Variants in CDT1 observed in about 807,000 individuals in gnomAD.
CDT1 encodes DNA replication factor Cdt1.
Under a neutral mutation model 49.3 loss-of-function variants are expected in CDT1, and 66 were observed. The ratio of observed to expected loss-of-function variants is 1.34; its 90% CI spans 1.10 to 1.64. The LOEUF is 1.64. Among genes scored for constraint, CDT1 ranks in the 40% most tolerant of loss-of-function variants. The pLI is 0.00. For missense variants in CDT1, 958 were observed against 807.7 expected, an observed-to-expected ratio of 1.19 and a Z score of -2.26; for synonymous variants, 424 against 347.4, an observed-to-expected ratio of 1.22 and a Z score of -2.45.
rs1016477910 is a variant in CDT1 at position 88,808,571 on chromosome 16, C to T, written c.*293C>T. 2.7e-5 allele frequency: 13 copies of T among 482,822 alleles called. No individual in the cohort carries two copies. Among genetic ancestry groups the T allele is most frequent in the Middle Eastern group, 5.6e-4 (1 of 1,780 alleles). 29.9% of individuals were successfully genotyped at this position (482,822 alleles called of 1,614,324 possible). The stretch of plus-strand genomic sequence containing the variant: ...GATCCAGCACCCCCTGGGGGGCCAT[C>T]GGGAGTGTGGCTGGGGGTGAAGGGG... On this transcript the variant is annotated 3_prime_UTR_variant, in exon 10 of 10. Coordinates refer to ENST00000301019, the MANE Select transcript of CDT1 (RefSeq NM_030928.4).
In CDT1 at chr16:88,804,816, A is replaced by G. The variant is rs1224192420; in HGVS notation, c.406A>G (p.Arg136Gly). 2 of 1,612,470 alleles carry G rather than the reference A, an allele frequency of 1.2e-6. No individual in the cohort carries two copies. Among genetic ancestry groups the G allele is most frequent in the Non-Finnish European group, 1.7e-6 (2 of 1,179,848 alleles). ...CLQRARELGA[R>G]VRALKASAQD... ...GCAACGGGCCCGGGAGCTGGGGGCA[A>G]GAGTCCGGGCGCTGAAGGCCAGTGC... Residue 136 changes from arginine (R) to glycine (G), a missense_variant, in exon 3 of 10, where the codon AGA becomes GGA. Transcript: ENST00000301019.
chr16:88,805,855 C>A lies in CDT1; in HGVS notation c.818C>A (p.Pro273Gln). Reference protein sequence around the residue: ...RRSDYQLTIEPLLEQEADGAA... With the variant: ...RRSDYQLTIEQLLEQEADGAA... ...TCAGATTACCAGCTCACCATCGAGC[C>A]ACTGCTGGAGCAGGGTGAGTGCTGG... The change falls in exon 5 of 10, where the codon CCA (proline) becomes CAA (glutamine). Residue 273 changes from proline to glutamine, a missense_variant. Pro to Gln is a moderately conservative substitution (Grantham distance 76, BLOSUM62 -1). Coordinates refer to ENST00000301019, the MANE Select transcript of CDT1 (RefSeq NM_030928.4). The A allele has an allele frequency of 6.2e-7, 1 of 1,613,128 alleles. No homozygotes were observed. The highest frequency in any genetic ancestry group is 8.5e-7 in the Non-Finnish European group (1 of 1,179,988).
At position 88,809,123 on chromosome 16, in the gene CDT1, A is replaced by C. The variant is rs1908996189; in HGVS notation, c.*845A>C. 1 of 256,354 alleles carries C rather than the reference A, an allele frequency of 3.9e-6. No individual in the cohort carries two copies. The highest frequency in any genetic ancestry group is 5.1e-5 in the Admixed American group (1 of 19,696). The allele number at this position is 256,354 out of a possible 1,614,324, so 15.9% of individuals were successfully genotyped here. A position where few individuals can be genotyped will look rare whatever the true frequency, so the allele number is the denominator to read the frequency against. On this transcript the variant is annotated 3_prime_UTR_variant, in exon 10 of 10. Transcript: ENST00000301019. ...TTTGAAGACGCGGCCCTGCCCCGAC[A>C]CAGGCAGCCTGGAGAAGCTGGGCAG...
At chr16:88,806,440 T>A in intron 6 of CDT1, 46 bp from the exon 7 acceptor site, 1 of 1,597,004 alleles carries the variant, frequency 6.3e-7, no homozygotes, top group African/African-American at 1.3e-5. Context: ...CAGTCTGCCC[T>A]TGTCTCAGAT....
At chr16:88,808,022 GCA>G (rs1908932934) in intron 9 of CDT1, 91 bp from the exon 10 acceptor site, 2 of 1,404,104 alleles carry the variant, frequency 1.4e-6, no homozygotes, top group Non-Finnish European at 2.0e-6. Flanking sequence ...GACCAGGCAG[GCA>G]CAGAGGTTGG....
At chr16:88,806,975 C>A in intron 7 of CDT1, 76 bp from the exon 8 acceptor site, 2 of 1,574,840 alleles carry the variant, frequency 1.3e-6, no homozygotes, top group Non-Finnish European at 1.7e-6. Context: ...TTGAGAGATA[C>A]CGGGGACTCC....
intron 6 of CDT1, 63 bp downstream of exon 6, chr16:88,806,184 C>A: frequency 7.2e-7 from 1 of 1,382,234 alleles, no homozygotes; most frequent in East Asian, 2.5e-5. Context: ...AGCACCTAAC[C>A]CTGTGCTTGG....
Position 88,805,476 on chromosome 16 carries a change from C to G in CDT1, c.525C>G (p.Ala175=). The G allele has an allele frequency of 6.2e-7, 1 of 1,612,824 alleles. No individual in the cohort carries two copies. Among genetic ancestry groups the G allele is most frequent in the Non-Finnish European group, 8.5e-7 (1 of 1,179,950 alleles). Residue 175 remains alanine (A), a synonymous_variant, in exon 4 of 10, where the codon GCC becomes GCG. Coordinates refer to ENST00000301019, the MANE Select transcript of CDT1 (RefSeq NM_030928.4). ...CGCCCGCCTACCAGCGCTTCCATGC[C>G]CTGGCCCAGCCCGGCCTGCCGGGAC... is the stretch of plus-strand genomic sequence containing the variant. ...EKAPAYQRFH[A]LAQPGLPGLV... is the part of the protein sequence containing the mutation.
chr16:88,803,798 T>A lies in CDT1; in HGVS notation c.-34T>A. 1.3e-6 allele frequency: 2 copies of A among 1,486,760 alleles called. No homozygotes were observed. Among genetic ancestry groups the A allele is most frequent in the Non-Finnish European group, 1.8e-6 (2 of 1,109,630 alleles). 92.1% of individuals were successfully genotyped at this position (1,486,760 alleles called of 1,614,324 possible). On this transcript the variant is annotated 5_prime_UTR_variant, in exon 1 of 10. Coordinates refer to ENST00000301019, the MANE Select transcript of CDT1 (RefSeq NM_030928.4). The stretch of plus-strand genomic sequence containing the variant: ...CCGCGCCCGCCTCTTCCTCCCTTCC[T>A]TCTTTCCTTGCTTTCGCCGCGCACT...
rs751213474 is a variant in CDT1 at position 88,807,381 on chromosome 16, G to A, written c.1376G>A (p.Arg459His). ...QRLERLPELA[R>H]VLRSVFVSER... ...TTAGAACGGCTGCCTGAGCTGGCCC[G>A]CGTGCTGCGGAGCGTCTTTGTGTCC... is the stretch of plus-strand genomic sequence containing the variant. Residue 459 changes from arginine to histidine, a missense_variant, in exon 9 of 10, where the codon CGC becomes CAC. Coordinates refer to ENST00000301019, the MANE Select transcript of CDT1 (RefSeq NM_030928.4). 6 of 1,612,676 alleles carry A rather than the reference G, an allele frequency of 3.7e-6. No individual in the cohort carries two copies. The highest frequency in any genetic ancestry group is 2.2e-5 in the East Asian group (1 of 44,888).
rs542220286 is a variant in CDT1, at chr16:88,804,692, T to C, written c.351+25T>C. 19 of 1,612,228 alleles carry C rather than the reference T, an allele frequency of 1.2e-5. No homozygotes were observed. The East Asian group carries it at 2.9e-4, about 25-fold the overall frequency. ...GGTGAGGGGCGGGGCCTGGGGCAGA[T>C]GCGGGAGGGCTGAGTGGTGCCGGCC... On this transcript the variant is annotated intron_variant, in intron 2 of 9. Transcript: ENST00000301019.
At chr16:88,806,949 T>C in intron 7 of CDT1, 102 bp from the exon 8 acceptor site, 6 of 1,478,064 alleles carry the variant, frequency 4.1e-6, no homozygotes, top group Non-Finnish European at 5.7e-6. Context: ...CCCAGTGTGC[T>C]GGGTGAACTT....
intron 5 of CDT1, 59 bp from the exon 6 acceptor site, chr16:88,805,962 G>C: frequency 6.3e-7 from 1 of 1,579,752 alleles, no homozygotes; most frequent in Non-Finnish European, 8.6e-7. Flanking sequence ...GCCCAGGACT[G>C]GTCACGGGTG....
Position 88,808,108 on chromosome 16 carries a change from C to T in CDT1, c.1478-7C>T. On this transcript the variant is annotated splice_region_variant and splice_polypyrimidine_tract_variant and intron_variant, in intron 9 of 9. Coordinates refer to ENST00000301019, the MANE Select transcript of CDT1 (RefSeq NM_030928.4). ...ACCAGCCTCAGTGTCCTCCTCTCCTCCCCCAGGGGAAATGGAGAAGCACCT... is the reference window on the plus strand; with the variant it reads ...ACCAGCCTCAGTGTCCTCCTCTCCTTCCCCAGGGGAAATGGAGAAGCACCT... 6.2e-7 allele frequency: 1 copy of T among 1,611,892 alleles called. No homozygotes were observed. Among genetic ancestry groups the T allele is most frequent in the Non-Finnish European group, 8.5e-7 (1 of 1,179,594 alleles).
Position 88,806,486 on chromosome 16 carries a change from G to A in CDT1, c.934G>A (p.Ala312Thr), listed in dbSNP as rs200373131. 19 of 1,610,204 alleles carry A rather than the reference G, an allele frequency of 1.2e-5. No individual in the cohort carries two copies. The highest frequency in any genetic ancestry group is 8.9e-5 in the East Asian group (4 of 44,772). Residue 312 changes from alanine to threonine, a missense_variant and splice_region_variant, in exon 7 of 10, where the codon GCC becomes ACC. By Grantham distance (58) the Ala-to-Thr change is moderately conservative. Transcript: ENST00000301019. The stretch of plus-strand genomic sequence containing the variant: ...TCACCCATCTACTCCTTCTCCCCAG[G>A]CCTTCCTGGCCTCCCTGAGCCCCGC... The part of the protein sequence containing the change: ...LVEHVKEHHK[A>T]FLASLSPAMV...
At position 88,803,921 on chromosome 16, in the gene CDT1, C is replaced by G. The variant is rs763439498; in HGVS notation, c.90C>G (p.Pro30=). The G allele has an allele frequency of 1.2e-5, 17 of 1,372,036 alleles. No individual in the cohort carries two copies. In the South Asian group the frequency reaches 2.0e-4, roughly 16 times the overall value. 85.0% of individuals were successfully genotyped at this position (1,372,036 alleles called of 1,614,324 possible). A position where few individuals can be genotyped will look rare whatever the true frequency, so the allele number is the denominator to read the frequency against. Residue 30 remains proline, a synonymous_variant, in exon 1 of 10, where the codon CCC becomes CCG. Coordinates refer to ENST00000301019, the MANE Select transcript of CDT1 (RefSeq NM_030928.4). ...IAPPKLACRT[P]SPARPALRAP... ...CGCCCAAGCTGGCCTGCCGCACCCCCAGCCCCGCCAGGCCCGCACTCCGCG... is the reference window on the plus strand; with the variant it reads ...CGCCCAAGCTGGCCTGCCGCACCCCGAGCCCCGCCAGGCCCGCACTCCGCG...
intron 5 of CDT1, 42 bp downstream of exon 5, chr16:88,805,911 C>G (rs762576607): frequency 1.2e-6 from 2 of 1,607,930 alleles, no homozygotes; most frequent in Non-Finnish European, 1.7e-6. Flanking sequence ...CATCTGTGAG[C>G]CGCACAGTTT....
In CDT1 at chr16:88,804,655, C is replaced by A. The variant is rs751510412; in HGVS notation, c.339C>A (p.Ser113=). Residue 113 remains serine (S), a synonymous_variant, in exon 2 of 10, where the codon TCC becomes TCA. Transcript: ENST00000301019. The stretch of plus-strand genomic sequence containing the variant: ...CAGGTCAGCCGCCCCACCTGACATC[C>A]GCGCAGGACCAGGTGAGGGGCGGGG... The part of the protein sequence containing the change: ...PAAGQPPHLT[S]AQDQDTISEL... The A allele has an allele frequency of 1.9e-6, 3 of 1,612,546 alleles. No homozygotes were observed. In the South Asian group the frequency reaches 3.3e-5, roughly 18 times the overall value.
chr16:88,805,036 A>G, intron 3 of CDT1, 138 bp downstream of exon 3: 1 of 1,217,466 alleles, frequency 8.2e-7, no homozygotes, highest in Non-Finnish European at 1.1e-6. Context: ...GCGGACCCAG[A>G]CCCCTGAGAA....
Sources: allele counts gnomAD v4.1 joint callset, GRCh38; gene constraint gnomAD v4.1.1; transcripts MANE v1.5; gene names NCBI Gene and HGNC (gene_info 2026-07-23, HGNC 2026-07-21).